The following BBS5 variants were observed in gnomAD, a reference collection of about 807,000 sequenced individuals.
BBS5 encodes the protein BBSome complex member BBS5.
In BBS5, 39 loss-of-function variants were observed where a neutral mutation model predicts 50.2. The observed-to-expected ratio is 0.78, with a 90% CI of 0.60 to 1.01. The LOEUF is 1.01. BBS5 is among the 50% of genes least tolerant of loss of function. The probability of loss-of-function intolerance (pLI) is 0.00; values close to 1 mark genes in which losing one functional copy is unlikely to be tolerated. For synonymous variants in BBS5, 134 were observed against 133.1 expected (o/e 1.01, Z -0.05); for missense variants, 356 against 401.5 (o/e 0.89, Z 0.97).
chr2:169,505,374 C>A lies in BBS5; in HGVS notation c.*792C>A, dbSNP rs985948945. 5.7e-6 allele frequency: 2 copies of A among 349,892 alleles called. No individual in the cohort carries two copies. Among genetic ancestry groups the A allele is most frequent in the Non-Finnish European group, 5.5e-6 (1 of 181,678 alleles). 21.7% of individuals were successfully genotyped at this position (349,892 alleles called of 1,614,324 possible). A position where few individuals can be genotyped will look rare whatever the true frequency, so the allele number is the denominator to read the frequency against. On this transcript the variant is annotated 3_prime_UTR_variant, in exon 12 of 12. Transcript: ENST00000295240. The stretch of plus-strand genomic sequence containing the variant: ...AAGAGTGCAGCCTCTGCCCGGCCGC[C>A]ACCCCGTCTGGGAAGTGAGGAGCGT...
intron 5 of BBS5, among the ~76,000 whole-genome samples, chr2:169,488,844 A>G (rs1239840482): frequency 6.6e-6 from 1 of 152,260 alleles, no homozygotes; most frequent in African/African-American, 2.4e-5. Context: ...AAAGTGAAAT[A>G]AAGAATTCAT....
chr2:169,486,643 T>C (rs2105294028), intron 2 of BBS5, among the ~76,000 whole-genome samples: 1 of 152,314 alleles, frequency 6.6e-6, no homozygotes, highest in African/African-American at 2.4e-5. Context: ...AAAGTACTCA[T>C]ATAGAAAGGA....
intron 9 of BBS5, among the ~76,000 whole-genome samples, chr2:169,502,418 T>C (rs559106485): frequency 3.9e-5 from 6 of 152,226 alleles, no homozygotes; most frequent in Non-Finnish European, 8.8e-5. Flanking sequence ...AACTGCTTTT[T>C]GTAGGTTGAA....
chr2:169,492,800 T>G, intron 5 of BBS5, 74 bp from the exon 6 acceptor site: 1 of 1,304,732 alleles, frequency 7.7e-7, no homozygotes, highest in African/African-American at 1.5e-5. Flanking sequence ...CAACTACATA[T>G]TTTAGTAAGT....
At chr2:169,501,719 G>T (rs1302639186) in intron 9 of BBS5, among the ~76,000 whole-genome samples, 1 of 152,004 alleles carries the variant, frequency 6.6e-6, no homozygotes, top group Admixed American at 6.6e-5. Context: ...CTGCAGCAAT[G>T]ACCTATCTCT....
At chr2:169,491,066 A>C (rs1683594181) in intron 5 of BBS5, among the ~76,000 whole-genome samples, 1 of 152,196 alleles carries the variant, frequency 6.6e-6, no homozygotes, top group Admixed American at 6.5e-5. Context: ...TCCATTCATG[A>C]GTTGATGGAC....
chr2:169,489,104 G>C (rs1337519395), intron 5 of BBS5, among the ~76,000 whole-genome samples: 1 of 151,992 alleles, frequency 6.6e-6, no homozygotes, highest in African/African-American at 2.4e-5. Flanking sequence ...TGATCTTCCT[G>C]TCCTAGCCTC....
At chr2:169,499,000 T>G (rs1391403572) in intron 8 of BBS5, 1 of 166,582 alleles carries the variant, frequency 6.0e-6, no homozygotes, top group Non-Finnish European at 1.3e-5. Flanking sequence ...TGGCCCAGTT[T>G]CTTTCCTAAT....
chr2:169,493,882 A>AT (rs543208217), intron 7 of BBS5, 46 bp downstream of exon 7: 1 of 1,339,730 alleles, frequency 7.5e-7, no homozygotes, highest in Non-Finnish European at 1.1e-6. Context: ...TAAAATAAAT[A>AT]TTTTTTGTTC....
chr2:169,490,033 G>A (rs1256913900), intron 5 of BBS5, among the ~76,000 whole-genome samples: 6 of 149,286 alleles, frequency 4.0e-5, no homozygotes, highest in Non-Finnish European at 5.9e-5. Flanking sequence ...CCACCACCAC[G>A]CCTGGCTAAT....
rs896156417 is a variant in BBS5 at position 169,504,831 on chromosome 2, A to G, written c.*249A>G. ...GCGGCGCTGGCTTAAGCCATGGCTGAGGGTAGCTGGATTCCTCAGGCCCGG... is the reference window on the plus strand; with the variant it reads ...GCGGCGCTGGCTTAAGCCATGGCTGGGGGTAGCTGGATTCCTCAGGCCCGG... On this transcript the variant is annotated 3_prime_UTR_variant, in exon 12 of 12. Transcript: ENST00000295240. The G allele has an allele frequency of 6.2e-7, 1 of 1,601,968 alleles. No individual in the cohort carries two copies. Among genetic ancestry groups the G allele is most frequent in the South Asian group, 1.1e-5 (1 of 89,894 alleles).
At position 169,499,148 on chromosome 2, in the gene BBS5, G is replaced by T. The variant is rs536711087; in HGVS notation, c.682-338G>T. The T allele has an allele frequency of 7.3e-5, 19 of 261,488 alleles. No homozygotes were observed. The East Asian group carries it at 1.8e-3, about 25-fold the overall frequency. 16.2% of individuals were successfully genotyped at this position (261,488 alleles called of 1,614,324 possible). A position where few individuals can be genotyped will look rare whatever the true frequency, so the allele number is the denominator to read the frequency against. On this transcript the variant is annotated intron_variant, in intron 8 of 11. Coordinates refer to ENST00000295240, the MANE Select transcript of BBS5 (RefSeq NM_152384.3). ...CAGTGTATTTTTTAAATCTTGAAAG[G>T]TTACCTTTGATATTTCAGATGAACT...
At chr2:169,498,160 C>T (rs1683728769) in intron 8 of BBS5, among the ~76,000 whole-genome samples, 1 of 152,316 alleles carries the variant, frequency 6.6e-6, no homozygotes, top group Middle Eastern at 3.4e-3. Context: ...TTTGTGTACA[C>T]ACACACAGTT....
chr2:169,494,624 A>C (rs905912394), intron 7 of BBS5, among the ~76,000 whole-genome samples: 7 of 152,154 alleles, frequency 4.6e-5, no homozygotes, highest in Non-Finnish European at 7.3e-5. Flanking sequence ...TGTTTTGGGA[A>C]TAGGTAAAGA....
chr2:169,498,073 A>G (rs1224665127), intron 8 of BBS5, among the ~76,000 whole-genome samples: 2 of 152,228 alleles, frequency 1.3e-5, no homozygotes, highest in Admixed American at 6.5e-5. Flanking sequence ...TCTCACAACT[A>G]GTAAGTGATG....
At chr2:169,484,188 G>A (rs1318061715) in intron 2 of BBS5, among the ~76,000 whole-genome samples, 1 of 152,110 alleles carries the variant, frequency 6.6e-6, no homozygotes, top group Non-Finnish European at 1.5e-5. Flanking sequence ...TTAGAGACCA[G>A]CCTGGCAATA....
intron 10 of BBS5, 54 bp downstream of exon 10, chr2:169,503,232 G>A (rs1041095052): frequency 7.8e-6 from 11 of 1,410,368 alleles, no homozygotes; most frequent in Non-Finnish European, 1.1e-5. Flanking sequence ...TCTCAGTCTT[G>A]TTTAATAAAA....
chr2:169,502,770 T>C (rs1487346809), intron 9 of BBS5, among the ~76,000 whole-genome samples: 2 of 152,202 alleles, frequency 1.3e-5, no homozygotes, highest in African/African-American at 4.8e-5. Context: ...ACTGAACATT[T>C]GCTGTTATGC....
At chr2:169,494,660 A>G (rs1356234699) in intron 7 of BBS5, among the ~76,000 whole-genome samples, 1 of 152,184 alleles carries the variant, frequency 6.6e-6, no homozygotes. Flanking sequence ...TGCTGCTGCT[A>G]TGATAAATAA....
Sources: allele counts gnomAD v4.1 joint callset (sites outside exome capture counted in the v4.1 genomes callset), GRCh38; gene constraint gnomAD v4.1.1; transcripts MANE v1.5; gene names NCBI Gene and HGNC (gene_info 2026-07-23, HGNC 2026-07-21).